NAV3: variants seen among roughly 807,000 people sequenced by gnomAD.
The protein encoded by NAV3 is neuron navigator 3.
NAV3 carries 87 observed loss-of-function variants against 244.7 expected under a neutral mutation model. The ratio of observed to expected loss-of-function variants is 0.36; its 90% CI spans 0.30 to 0.42. The LOEUF (loss-of-function observed/expected upper bound fraction) is 0.42. Ranked by LOEUF, NAV3 falls within the 20% of genes least tolerant of loss-of-function variation. NAV3 has a pLI of 1.00. For missense variants in NAV3, 2,663 were observed against 2,893.3 expected, an observed-to-expected ratio of 0.92 and a Z score of 1.83; for synonymous variants, 1,126 against 1,042.2, an observed-to-expected ratio of 1.08 and a Z score of -1.55.
chr12:77,763,435 C>A (rs1250471189), intron 2 of NAV3, among the ~76,000 whole-genome samples: 1 of 152,098 alleles, frequency 6.6e-6, no homozygotes, highest in Non-Finnish European at 1.5e-5. Flanking sequence ...AGAATGCCTG[C>A]TGCAACCCTT....
chr12:78,145,062 T>C, intron 20 of NAV3: 1 of 307,860 alleles, frequency 3.2e-6, no homozygotes, highest in Non-Finnish European at 6.5e-6. Context: ...AACTTTTATC[T>C]TAATATTCCT....
At chr12:77,716,593 C>T (rs1040766559) in intron 2 of NAV3, among the ~76,000 whole-genome samples, 1 of 151,788 alleles carries the variant, frequency 6.6e-6, no homozygotes, top group Non-Finnish European at 1.5e-5. Flanking sequence ...ATTTTTTGCA[C>T]TATAAATATA....
chr12:78,099,631 G>T (rs1954439312), intron 12 of NAV3, among the ~76,000 whole-genome samples: 1 of 151,792 alleles, frequency 6.6e-6, no homozygotes, highest in African/African-American at 2.4e-5. Context: ...ATCACAAATA[G>T]AAGACTTTAA....
Position 77,903,385 on chromosome 12 carries a change from C to A in NAV3, c.244-36934C>A, listed in dbSNP as rs143885083. ...CTTTGACAAACCTGTCAAAAACAAG[C>A]AATGGGGAAAGGATTCCCTATTTGA... On this transcript the variant is annotated intron_variant, in intron 1 of 39. Transcript: ENST00000397909. Among the ~76,000 whole-genome samples, 1,263 of 152,220 alleles carry A rather than the reference C, an allele frequency of 8.3e-3. 16 individuals carry two copies. Among genetic ancestry groups the A allele is most frequent in the Middle Eastern group, 0.027 (8 of 294 alleles).
At chr12:77,801,392 A>T (rs1871695368) in intron 2 of NAV3, among the ~76,000 whole-genome samples, 1 of 152,124 alleles carries the variant, frequency 6.6e-6, no homozygotes, top group East Asian at 1.9e-4. Context: ...TTCTATTTTT[A>T]AAATTCATAT....
At chr12:77,970,186 G>A (rs991700810) in intron 5 of NAV3, among the ~76,000 whole-genome samples, 9 of 152,054 alleles carry the variant, frequency 5.9e-5, no homozygotes, top group Non-Finnish European at 7.4e-5. Context: ...CCCTTTCATC[G>A]TCTTTGAAAA....
intron 2 of NAV3, among the ~76,000 whole-genome samples, chr12:77,572,557 C>A (rs1868876792): frequency 6.6e-6 from 1 of 152,144 alleles, no homozygotes; most frequent in African/African-American, 2.4e-5. Context: ...GAACAGTTCT[C>A]TGAGACCCAG....
intron 1 of NAV3, among the ~76,000 whole-genome samples, chr12:77,937,409 G>C (rs1889426066): frequency 6.6e-6 from 1 of 152,144 alleles, no homozygotes; most frequent in Non-Finnish European, 1.5e-5. Flanking sequence ...GGATGAATTT[G>C]GATAAAGGCT....
chr12:77,726,652 G>A (rs891317253), intron 2 of NAV3, among the ~76,000 whole-genome samples: 1 of 151,950 alleles, frequency 6.6e-6, no homozygotes, highest in African/African-American at 2.4e-5. Flanking sequence ...GCTGGGTCTG[G>A]AGGGTGGAGA....
intron 2 of NAV3, among the ~76,000 whole-genome samples, chr12:77,733,384 T>G (rs1315860765): frequency 6.6e-6 from 1 of 152,008 alleles, no homozygotes; most frequent in Admixed American, 6.6e-5. Flanking sequence ...AGATAGATAT[T>G]ATTTGTGTGA....
chr12:77,590,228 G>A (rs111645598), intron 2 of NAV3, among the ~76,000 whole-genome samples: 2,042 of 152,282 alleles, frequency 0.013, 25 homozygotes, highest in Non-Finnish European at 0.022. Context: ...ACAGAACTTG[G>A]ATGGGTGGAG....
chr12:78,146,447 A>G (rs1161284543), intron 21 of NAV3, 55 bp downstream of exon 21: 3 of 797,650 alleles, frequency 3.8e-6, no homozygotes, highest in Middle Eastern at 2.8e-4. Flanking sequence ...TGCATTCATG[A>G]TGAAATTAGT....
rs369639981 is a variant in NAV3 at position 77,831,474 on chromosome 12, G to A, written c.13G>A (p.Gly5Arg). The change falls in exon 1 of 40, where the codon GGG becomes AGG. Residue 5 changes from glycine (G) to arginine (R), a missense_variant. Transcript: ENST00000397909. ...TTTTATAGAAGCCATGCCTGTTCTT[G>A]GGGTTGCCTCAAAACTGAGGCAGCC... is the stretch of plus-strand genomic sequence containing the variant. Reference protein sequence around the residue: MPVLGVASKLRQPAV... With the variant: MPVLRVASKLRQPAV... 4.4e-6 allele frequency: 7 copies of A among 1,604,852 alleles called. No individual in the cohort carries two copies. The African/African-American group carries it at 5.4e-5, about 12-fold the overall frequency.
chr12:78,149,895 G>A (rs992114392), intron 22 of NAV3, among the ~76,000 whole-genome samples: 1 of 151,980 alleles, frequency 6.6e-6, no homozygotes, highest in Admixed American at 6.6e-5. Context: ...CTGAGTATGT[G>A]TATCATTTCA....
intron 2 of NAV3, among the ~76,000 whole-genome samples, chr12:77,704,260 T>C (rs1018800733): frequency 7.9e-5 from 12 of 152,144 alleles, no homozygotes; most frequent in African/African-American, 2.9e-4. Context: ...CTTTTGTCTG[T>C]GTATGGGTGT....
chr12:78,141,600 G>GT (rs1483557064), intron 20 of NAV3, among the ~76,000 whole-genome samples: 2 of 151,966 alleles, frequency 1.3e-5, no homozygotes, highest in Non-Finnish European at 1.5e-5. Context: ...GCCTTACATA[G>GT]TCATTCAAAA....
chr12:77,952,814 G>T (rs1455240050), intron 3 of NAV3, among the ~76,000 whole-genome samples: 1 of 152,080 alleles, frequency 6.6e-6, no homozygotes, highest in Non-Finnish European at 1.5e-5. Flanking sequence ...ACTGGGAGAG[G>T]GAGTGGTCTT....
intron 2 of NAV3, among the ~76,000 whole-genome samples, chr12:77,659,637 A>C (rs373420152): frequency 6.6e-6 from 1 of 152,106 alleles, no homozygotes; most frequent in African/African-American, 2.4e-5. Flanking sequence ...TATAAATCAT[A>C]CTGCTATAAA....
At chr12:77,803,584 A>G (rs1227307141) in intron 2 of NAV3, among the ~76,000 whole-genome samples, 4 of 152,142 alleles carry the variant, frequency 2.6e-5, no homozygotes, top group African/African-American at 4.8e-5. Flanking sequence ...GCTGTAATAA[A>G]CATATGTGTG....
Sources: allele counts gnomAD v4.1 joint callset (sites outside exome capture counted in the v4.1 genomes callset), GRCh38; gene constraint gnomAD v4.1.1; transcripts MANE v1.5; gene names NCBI Gene and HGNC (gene_info 2026-07-23, HGNC 2026-07-21).